Variants in SLC22A24 observed in about 807,000 individuals in gnomAD.
SLC22A24 encodes the protein solute carrier family 22 member 24.
A neutral mutation model predicts 49.8 loss-of-function variants in SLC22A24; 53 were observed. The ratio of observed to expected loss-of-function variants is 1.06; its 90% CI spans 0.85 to 1.34. The LOEUF is 1.34. Ranked by LOEUF, SLC22A24 falls within the 40% of genes most tolerant of loss-of-function variation. SLC22A24 has a pLI of 0.00. For synonymous variants in SLC22A24, 302 were observed against 256.4 expected (o/e 1.18, Z -1.70); for missense variants, 786 against 675.9 (o/e 1.16, Z -1.81).
At chr11:63,113,712 G>A (rs189606211) in intron 4 of SLC22A24, among the ~76,000 whole-genome samples, 11 of 151,976 alleles carry the variant, frequency 7.2e-5, no homozygotes, top group South Asian at 4.2e-4. Flanking sequence ...AAATTAGCTC[G>A]GCATAGTGGC....
chr11:63,118,769 C>A, intron 4 of SLC22A24, 143 bp downstream of exon 4: 5 of 831,966 alleles, frequency 6.0e-6, no homozygotes, highest in Non-Finnish European at 1.0e-5. Flanking sequence ...CCATTGTTTG[C>A]TTCTCAGGTG....
chr11:63,123,462 A>C (rs189328516), intron 2 of SLC22A24, among the ~76,000 whole-genome samples: 4 of 152,258 alleles, frequency 2.6e-5, no homozygotes, highest in Admixed American at 2.0e-4. Context: ...TATGCTAATA[A>C]ATTCTAAATT....
At chr11:63,081,338 C>G (rs1325691674) in intron 8 of SLC22A24, among the ~76,000 whole-genome samples, 2 of 152,118 alleles carry the variant, frequency 1.3e-5, no homozygotes, top group Non-Finnish European at 2.9e-5. Flanking sequence ...TTCATAATTA[C>G]TAAAATAGAG....
In SLC22A24 at chr11:63,083,290, G is replaced by T; in HGVS notation, c.1238C>A (p.Thr413Lys). 6.4e-7 allele frequency: 1 copy of T among 1,561,444 alleles called. No individual in the cohort carries two copies. The highest frequency in any genetic ancestry group is 8.7e-7 in the Non-Finnish European group (1 of 1,151,720). ...CAGAATGAAAAGTCCCACCGGGAACGTGAACAATATCTGGCTTATTCGACG... is the reference window on the plus strand; with the variant it reads ...CAGAATGAAAAGTCCCACCGGGAACTTGAACAATATCTGGCTTATTCGACG... ...MGRRISQILF[T>K]FPVGLFILVN... is the part of the protein sequence containing the mutation. The change falls in exon 7 of 10, where the codon ACG (threonine) becomes AAG (lysine). Residue 413 changes from threonine to lysine, a missense_variant. Thr to Lys is a moderately conservative substitution (Grantham distance 78, BLOSUM62 -1). Transcript: ENST00000612278.
At chr11:63,120,745 G>A (rs1480258724) in intron 2 of SLC22A24, among the ~76,000 whole-genome samples, 2 of 151,934 alleles carry the variant, frequency 1.3e-5, no homozygotes, top group African/African-American at 4.8e-5. Context: ...TGTAATTTTT[G>A]TTACCCTAGT....
chr11:63,120,248 A>G (rs1051205838), intron 2 of SLC22A24, among the ~76,000 whole-genome samples: 4 of 145,140 alleles, frequency 2.8e-5, no homozygotes, highest in African/African-American at 1.0e-4. Context: ...GTGGGAATTG[A>G]ACAATGAGAT....
At chr11:63,097,487 G>C (rs1206258900) in intron 5 of SLC22A24, among the ~76,000 whole-genome samples, 1 of 152,082 alleles carries the variant, frequency 6.6e-6, no homozygotes, top group African/African-American at 2.4e-5. Flanking sequence ...TGTAAATTAG[G>C]TCAATCATTG....
At position 63,119,345 on chromosome 11, in the gene SLC22A24, A is replaced by G; in HGVS notation, c.507-10T>C. 2 of 1,514,670 alleles carry G rather than the reference A, an allele frequency of 1.3e-6. No individual in the cohort carries two copies. Among genetic ancestry groups the G allele is most frequent in the African/African-American group, 1.4e-5 (1 of 71,322 alleles). 93.8% of individuals were successfully genotyped at this position (1,514,670 alleles called of 1,614,324 possible). A position where few individuals can be genotyped will look rare whatever the true frequency, so the allele number is the denominator to read the frequency against. On this transcript the variant is annotated splice_polypyrimidine_tract_variant and intron_variant, in intron 2 of 9. Coordinates refer to ENST00000612278, the MANE Select transcript of SLC22A24 (RefSeq NM_001136506.2). Reference sequence around the variant, plus strand: ...GATCTTCCGTCCAACCCTAAGAAATATTAAACCAGATAACGTTACTTAGGA... The same window carrying G: ...GATCTTCCGTCCAACCCTAAGAAATGTTAAACCAGATAACGTTACTTAGGA...
chr11:63,112,827 T>A (rs1014873053), intron 4 of SLC22A24, among the ~76,000 whole-genome samples: 1 of 150,802 alleles, frequency 6.6e-6, no homozygotes, highest in Admixed American at 6.6e-5. Context: ...TCGTGGCTAA[T>A]ATGGTGAAAC....
intron 5 of SLC22A24, among the ~76,000 whole-genome samples, chr11:63,097,654 G>A (rs1163574556): frequency 1.3e-5 from 2 of 152,072 alleles, no homozygotes; most frequent in Non-Finnish European, 2.9e-5. Context: ...CAAAGACTTG[G>A]AACCAACCCA....
At chr11:63,087,749 G>T (rs1485167992) in intron 6 of SLC22A24, among the ~76,000 whole-genome samples, 4 of 152,166 alleles carry the variant, frequency 2.6e-5, no homozygotes, top group African/African-American at 7.2e-5. Context: ...GGGGAGGGGT[G>T]TGCGCCATTC....
chr11:63,136,414 ATTC>A (rs1375379599), intron 1 of SLC22A24, among the ~76,000 whole-genome samples: 1 of 152,206 alleles, frequency 6.6e-6, no homozygotes, highest in Non-Finnish European at 1.5e-5. Context: ...AAAGGGCCCA[ATTC>A]TTCTCCATGA....
chr11:63,089,887 C>T (rs2087008185), intron 6 of SLC22A24, among the ~76,000 whole-genome samples: 1 of 151,880 alleles, frequency 6.6e-6, no homozygotes, highest in Non-Finnish European at 1.5e-5. Context: ...CGAGACCATC[C>T]TGGCTAACAC....
At chr11:63,089,546 TA>T (rs1250368928) in intron 6 of SLC22A24, among the ~76,000 whole-genome samples, 1 of 152,138 alleles carries the variant, frequency 6.6e-6, no homozygotes, top group Non-Finnish European at 1.5e-5. Context: ...ATCATGATGA[TA>T]GGATCAAATT....
At chr11:63,102,702 G>A (rs1377353111) in intron 5 of SLC22A24, among the ~76,000 whole-genome samples, 5 of 152,136 alleles carry the variant, frequency 3.3e-5, no homozygotes, top group African/African-American at 4.8e-5. Context: ...TTTTTCATGA[G>A]AGGGAAGAAA....
In SLC22A24 at chr11:63,112,280, A is replaced by G. The variant is rs181484216; in HGVS notation, c.830+6632T>C. ...GAGCTTTACTTCCAACTATGTGGTC[A>G]ATTTTGGAATAAGTGTGGTGTAGTG... On this transcript the variant is annotated intron_variant, in intron 4 of 9. Transcript: ENST00000612278. Among the ~76,000 whole-genome samples the G allele has an allele frequency of 3.2e-4, 49 of 152,246 alleles. No individual in the cohort carries two copies. In the East Asian group the frequency reaches 7.7e-3, roughly 24 times the overall value.
intron 2 of SLC22A24, among the ~76,000 whole-genome samples, chr11:63,132,122 A>G (rs1170395851): frequency 6.6e-6 from 1 of 152,082 alleles, no homozygotes; most frequent in Non-Finnish European, 1.5e-5. Flanking sequence ...TGTGGTTTTC[A>G]GCTCCATCCA....
At chr11:63,142,424 C>G (rs2087421435) in intron 1 of SLC22A24, among the ~76,000 whole-genome samples, 1 of 152,204 alleles carries the variant, frequency 6.6e-6, no homozygotes, top group Non-Finnish European at 1.5e-5. Context: ...TGCTTCTGAC[C>G]TCCAAGCTGT....
chr11:63,081,060 C>T lies in SLC22A24; in HGVS notation c.1458G>A (p.Leu486=). Residue 486 remains leucine, a synonymous_variant, in exon 9 of 10, where the codon TTG becomes TTA. Transcript: ENST00000612278. ...GRTGAALAPL[L]MTLMAYSPHL... is the part of the protein sequence containing the mutation. The stretch of plus-strand genomic sequence containing the variant: ...GGGGAGAATACGCCATTAAGGTCAT[C>T]AACAGAGGAGCCAGTGCTGCCCCAG... The T allele has an allele frequency of 1.9e-6, 3 of 1,551,674 alleles. No individual in the cohort carries two copies. Among genetic ancestry groups the T allele is most frequent in the East Asian group, 2.4e-5 (1 of 40,922 alleles).
Sources: gnomAD v4.1 joint callset for allele counts (sites outside exome capture counted in the v4.1 genomes callset) on GRCh38, gnomAD v4.1.1 for gene constraint, MANE v1.5 for transcripts, NCBI Gene and HGNC (gene_info 2026-07-23, HGNC 2026-07-21) for gene names.